MARCHF8: variants seen among roughly 807,000 people sequenced by gnomAD.
MARCHF8 encodes the protein membrane associated ring-CH-type finger 8.
A neutral mutation model predicts 51.6 loss-of-function variants in MARCHF8; 40 were observed. The observed-to-expected ratio is 0.77, with a 90% confidence interval of 0.60 to 1.01. The LOEUF (loss-of-function observed/expected upper bound fraction) is 1.01. Ranked by LOEUF, MARCHF8 falls within the 50% of genes least tolerant of loss-of-function variation. MARCHF8 has a pLI of 0.00. For missense variants in MARCHF8, 685 were observed against 708.6 expected (o/e 0.97, Z 0.38); for synonymous variants, 263 against 280.3 (o/e 0.94, Z 0.62).
intron 1 of MARCHF8, among the ~76,000 whole-genome samples, chr10:45,557,264 G>A (rs57457563): frequency 6.6e-6 from 1 of 151,710 alleles, no homozygotes; most frequent in South Asian, 2.1e-4. Context: ...GAGTAGCTGA[G>A]ATTACAGGTG....
chr10:45,519,930 G>C (rs1030559529), intron 2 of MARCHF8, among the ~76,000 whole-genome samples: 5 of 152,192 alleles, frequency 3.3e-5, no homozygotes, highest in African/African-American at 1.2e-4. Context: ...GACTCAGAGG[G>C]AATGTCATGA....
intron 2 of MARCHF8, among the ~76,000 whole-genome samples, chr10:45,495,435 C>T (rs1332504276): frequency 6.6e-6 from 1 of 152,002 alleles, no homozygotes; most frequent in East Asian, 1.9e-4. Context: ...TGATCTGATG[C>T]TTTTGTGAGG....
intron 1 of MARCHF8, among the ~76,000 whole-genome samples, chr10:45,580,333 AACAG>A (rs1161930436): frequency 2.0e-5 from 3 of 152,200 alleles, no homozygotes; most frequent in Non-Finnish European, 4.4e-5. Context: ...TAAAGCTCAG[AACAG>A]ACATATTATA....
At chr10:45,558,808 A>G (rs1246315521) in intron 1 of MARCHF8, among the ~76,000 whole-genome samples, 4 of 152,234 alleles carry the variant, frequency 2.6e-5, no homozygotes, top group African/African-American at 9.6e-5. Flanking sequence ...AGGATCTTTC[A>G]CCTCTTCAAT....
Position 45,458,197 on chromosome 10 carries a change from A to G in MARCHF8, c.*42T>C. 1 of 1,560,622 alleles carries G rather than the reference A, an allele frequency of 6.4e-7. No homozygotes were observed. The highest frequency in any genetic ancestry group is 8.7e-7 in the Non-Finnish European group (1 of 1,155,566). ...CAATTGGCAGTAAACAATTTCCTTC[A>G]GCTCTTCATGGATGTCCAGGAAAAT... On this transcript the variant is annotated 3_prime_UTR_variant, in exon 8 of 8. Coordinates refer to ENST00000453424, the MANE Select transcript of MARCHF8 (RefSeq NM_001282866.2).
rs1384787292 is a variant in MARCHF8 at position 45,459,217 on chromosome 10, T to C, written c.1320A>G (p.Ser440=). The part of the protein sequence containing the change: ...TSSERRKIMC[S]VTFHVIAITC... ...TGATGGCAATGACGTGGAATGTCAC[T>C]GAGCACATGATCTTCCTGCGCTCGC... Residue 440 remains serine (S), a synonymous_variant, in exon 7 of 8, where the codon TCA becomes TCG. Coordinates refer to ENST00000453424, the MANE Select transcript of MARCHF8 (RefSeq NM_001282866.2). 6.2e-7 allele frequency: 1 copy of C among 1,614,152 alleles called. No individual in the cohort carries two copies. The highest frequency in any genetic ancestry group is 8.5e-7 in the Non-Finnish European group (1 of 1,180,020).
chr10:45,533,029 A>G, intron 2 of MARCHF8, 81 bp downstream of exon 2: 1 of 1,074,242 alleles, frequency 9.3e-7, no homozygotes. Context: ...CCTGACCTTT[A>G]GAGTTTAAGC....
At chr10:45,534,698 G>C (rs987746543) in intron 1 of MARCHF8, among the ~76,000 whole-genome samples, 1 of 152,164 alleles carries the variant, frequency 6.6e-6, no homozygotes, top group African/African-American at 2.4e-5. Context: ...CTGGGGTAGG[G>C]GGTGGGGACA....
Position 45,543,039 on chromosome 10 carries a change from T to C in MARCHF8, c.-78-9750A>G, listed in dbSNP as rs75692071. ...CTTCACTTTCTATACACATTTCAAC[T>C]AACTACAATCTGGCTTCAGTACAGT... On this transcript the variant is annotated intron_variant, in intron 1 of 6. Coordinates refer to the MARCHF8 transcript ENST00000319836. 3.8e-3 allele frequency among the ~76,000 whole-genome samples: 577 copies of C among 152,370 alleles called. 12 individuals carry two copies. In the East Asian group the frequency reaches 0.053, roughly 14 times the overall value.
At chr10:45,576,775 A>G (rs1385306726) in intron 1 of MARCHF8, among the ~76,000 whole-genome samples, 3 of 150,386 alleles carry the variant, frequency 2.0e-5, no homozygotes, top group Non-Finnish European at 4.4e-5. Flanking sequence ...TAAAAATTAA[A>G]AAAAAAAAAA....
intron 3 of MARCHF8, among the ~76,000 whole-genome samples, chr10:45,475,503 A>G (rs1171974154): frequency 6.6e-6 from 1 of 152,166 alleles, no homozygotes; most frequent in Non-Finnish European, 1.5e-5. Context: ...ACCTGAGCAT[A>G]CTGCCTGGGC....
intron 1 of MARCHF8, among the ~76,000 whole-genome samples, chr10:45,582,016 A>G (rs2044561312): frequency 1.3e-5 from 2 of 152,176 alleles, no homozygotes; most frequent in Admixed American, 1.3e-4. Context: ...AGTAATGACC[A>G]ATGAGTCACG....
intron 2 of MARCHF8, among the ~76,000 whole-genome samples, chr10:45,512,747 G>A (rs988617781): frequency 1.3e-5 from 2 of 152,150 alleles, no homozygotes; most frequent in African/African-American, 4.8e-5. Context: ...ATTGAGAACG[G>A]GCCGGGACGA....
At chr10:45,573,346 G>C (rs2044453240) in intron 1 of MARCHF8, among the ~76,000 whole-genome samples, 1 of 152,206 alleles carries the variant, frequency 6.6e-6, no homozygotes, top group Non-Finnish European at 1.5e-5. Flanking sequence ...CAGCCAAGTA[G>C]CAATGTATTT....
chr10:45,465,033 G>A (rs1842924288), intron 3 of MARCHF8, among the ~76,000 whole-genome samples: 3 of 152,114 alleles, frequency 2.0e-5, no homozygotes, highest in South Asian at 4.2e-4. Context: ...TCTCTGGGGT[G>A]GTGAATAGTC....
chr10:45,459,657 G>A (rs1042325560), intron 6 of MARCHF8: 11 of 957,834 alleles, frequency 1.1e-5, no homozygotes, highest in East Asian at 2.3e-4. Context: ...ATGGACGAGC[G>A]GAAGAAGAGG....
chr10:45,538,565 G>GA (rs2044006792), upstream of MARCHF8, among the ~76,000 whole-genome samples: 3 of 152,288 alleles, frequency 2.0e-5, no homozygotes, highest in South Asian at 6.2e-4. Context: ...CTGTATTCAG[G>GA]AAACCCATCT....
intron 2 of MARCHF8, among the ~76,000 whole-genome samples, chr10:45,509,831 G>C: frequency 6.6e-6 from 1 of 152,130 alleles, no homozygotes. Context: ...TAGAGTTATT[G>C]GCATAGCTTC....
chr10:45,460,640 C>T (rs192654886), intron 6 of MARCHF8, among the ~76,000 whole-genome samples: 62 of 152,292 alleles, frequency 4.1e-4, no homozygotes, highest in African/African-American at 1.4e-3. Context: ...GCCAGTGTGG[C>T]GGACAAAGCT....
Sources: gnomAD v4.1 joint callset for allele counts (sites outside exome capture counted in the v4.1 genomes callset) on GRCh38, gnomAD v4.1.1 for gene constraint, MANE v1.5 for transcripts, NCBI Gene and HGNC (gene_info 2026-07-23, HGNC 2026-07-21) for gene names.